Variants in EPS15 observed in about 807,000 individuals in gnomAD.
EPS15 encodes epidermal growth factor receptor pathway substrate 15.
In EPS15, 72 loss-of-function variants were observed where a neutral mutation model predicts 113.8. The observed-to-expected ratio is 0.63, with a 90% CI of 0.52 to 0.77. The LOEUF is 0.77. Ranked by LOEUF, EPS15 falls within the 30% of genes least tolerant of loss-of-function variation. The pLI is 0.00. For synonymous variants in EPS15, 344 were observed against 363.4 expected, an observed-to-expected ratio of 0.95 and a Z score of 0.61; for missense variants, 1,048 against 1,045.8, an observed-to-expected ratio of 1.00 and a Z score of -0.03.
chr1:51,424,570 A>G (rs987074242), intron 12 of EPS15, among the ~76,000 whole-genome samples: 2 of 152,170 alleles, frequency 1.3e-5, no homozygotes, highest in African/African-American at 4.8e-5. Flanking sequence ...GAGCCCACCA[A>G]TATAGGTAGA....
intron 3 of EPS15, among the ~76,000 whole-genome samples, chr1:51,472,122 C>T (rs1655284830): frequency 6.6e-6 from 1 of 152,048 alleles, no homozygotes; most frequent in African/African-American, 2.4e-5. Flanking sequence ...TTGGGCACCC[C>T]TGATTTAGTG....
intron 8 of EPS15, 124 bp from the exon 9 acceptor site, chr1:51,448,259 G>A: frequency 2.0e-6 from 1 of 501,402 alleles, no homozygotes; most frequent in Non-Finnish European, 3.5e-6. Flanking sequence ...AAATTGGGCT[G>A]GGAGGGAAAG....
intron 1 of EPS15, among the ~76,000 whole-genome samples, chr1:51,485,590 C>A (rs1644105175): frequency 6.6e-6 from 1 of 151,988 alleles, no homozygotes; most frequent in Non-Finnish European, 1.5e-5. Context: ...CAAACAAAAA[C>A]AAGTTTAATG....
chr1:51,505,780 T>C (rs1012516223), intron 1 of EPS15, among the ~76,000 whole-genome samples: 1 of 152,006 alleles, frequency 6.6e-6, no homozygotes, highest in Admixed American at 6.6e-5. Context: ...TGTTTAAATA[T>C]TTTATTTTAT....
At position 51,417,414 on chromosome 1, in the gene EPS15, C is replaced by A. The variant is rs1487332986; in HGVS notation, c.1113+4372G>T. Among the ~76,000 whole-genome samples the A allele has an allele frequency of 2.6e-5, 4 of 152,294 alleles. No homozygotes were observed. The East Asian group carries it at 7.7e-4, about 29-fold the overall frequency. ...TATACACAAAACCAAAGTTTATTCA[C>A]TTCTGCTGTGAACAGCTTCCTTAAA... On this transcript the variant is annotated intron_variant, in intron 13 of 24. Transcript: ENST00000371733.
chr1:51,519,111 C>G, intron 1 of EPS15, 88 bp downstream of exon 1: 2 of 931,598 alleles, frequency 2.1e-6, no homozygotes, highest in Non-Finnish European at 1.5e-6. Flanking sequence ...GCCTGCTTGG[C>G]CCACAAGCCA....
At position 51,421,817 on chromosome 1, in the gene EPS15, T is replaced by C. The variant is rs1317472354; in HGVS notation, c.1082A>G (p.Asp361Gly). 1.9e-6 allele frequency: 3 copies of C among 1,607,868 alleles called. No homozygotes were observed. The highest frequency in any genetic ancestry group is 2.5e-6 in the Non-Finnish European group (3 of 1,176,656). The change falls in exon 13 of 25, where the codon GAT becomes GGT. Residue 361 changes from aspartate (D) to glycine (G), a missense_variant. By Grantham distance (94) the Asp-to-Gly change is moderately conservative. Transcript: ENST00000371733. ...CTCACTTGTCCTCTGTTTAATAGTA[T>C]CTTCCTTCTCCTTAAGGTCCTGTTC... Reference protein sequence around the residue: ...NVEQDLKEKEDTIKQRTSEVQ... With the variant: ...NVEQDLKEKEGTIKQRTSEVQ...
rs572197680 is a variant in EPS15, at chr1:51,387,540, T to G, written c.2119+6841A>C. 1.3e-3 allele frequency among the ~76,000 whole-genome samples: 193 copies of G among 152,116 alleles called. 1 individual carries two copies. The highest frequency in any genetic ancestry group is 2.4e-3 in the Non-Finnish European group (164 of 68,002). ...ACAGACTGGCAAGTTGGATAAAGAG[T>G]CAAGACCCATTAGTGTGCTGTATTC... On this transcript the variant is annotated intron_variant, in intron 21 of 24. Coordinates refer to ENST00000371733, the MANE Select transcript of EPS15 (RefSeq NM_001981.3).
Position 51,405,987 on chromosome 1 carries a change from C to G in EPS15, c.1595G>C (p.Ser532Thr). 6.2e-7 allele frequency: 1 copy of G among 1,614,154 alleles called. No homozygotes were observed. The highest frequency in any genetic ancestry group is 1.1e-5 in the South Asian group (1 of 91,080). ...GATDYCSLST[S>T]SSETANLNEH... ...ATTAAGGTTGGCTGTTTCACTGCTG[C>G]TGGTGCTGAGGCTGCAATAATCTGT... The change falls in exon 16 of 25, where the codon AGC becomes ACC. Residue 532 changes from serine (S) to threonine (T), a missense_variant. Physicochemically the swap from Ser to Thr is moderately conservative, Grantham distance 58. Coordinates refer to ENST00000371733, the MANE Select transcript of EPS15 (RefSeq NM_001981.3).
rs201534515 is a variant in EPS15, at chr1:51,364,021, T to C, written c.2204A>G (p.Asn735Ser). The change falls in exon 23 of 25, where the codon AAT (asparagine) becomes AGT (serine). Residue 735 changes from asparagine to serine, a missense_variant. Asn to Ser is a conservative substitution (Grantham distance 46). Coordinates refer to ENST00000371733, the MANE Select transcript of EPS15 (RefSeq NM_001981.3). ...TGTGGCTGAACGAAAAGGATCTTCA[T>C]TGTTGACCTTTGTTTAAAAAGAAAT... ...ADFSTLSKVN[N>S]EDPFRSATSS... The C allele has an allele frequency of 6.6e-5, 106 of 1,609,158 alleles. No homozygotes were observed. The East Asian group carries it at 1.9e-3, about 29-fold the overall frequency.
chr1:51,476,474 T>C (rs1643904057), intron 2 of EPS15, among the ~76,000 whole-genome samples: 1 of 152,182 alleles, frequency 6.6e-6, no homozygotes, highest in South Asian at 2.1e-4. Context: ...GATTTTCTAG[T>C]TTATTTGCAT....
intron 21 of EPS15, among the ~76,000 whole-genome samples, chr1:51,372,000 C>G (rs1476454955): frequency 6.6e-6 from 1 of 152,192 alleles, no homozygotes; most frequent in South Asian, 2.1e-4. Flanking sequence ...AGCCTAGGAG[C>G]AATAGGCTAT....
intron 1 of EPS15, among the ~76,000 whole-genome samples, chr1:51,516,044 C>T (rs1644710582): frequency 6.6e-6 from 1 of 151,638 alleles, no homozygotes; most frequent in Non-Finnish European, 1.5e-5. Flanking sequence ...TTCTAATCTA[C>T]CAACAGAAGC....
intron 2 of EPS15, among the ~76,000 whole-genome samples, chr1:51,473,251 A>G (rs1034693624): frequency 2.6e-5 from 4 of 152,224 alleles, no homozygotes; most frequent in African/African-American, 9.6e-5. Flanking sequence ...TATCTTCTAT[A>G]GCTGTCATTT....
rs1646677732 is a variant in EPS15 at position 51,372,360 on chromosome 1, C to T, written c.2120-6331G>A. On this transcript the variant is annotated intron_variant, in intron 21 of 24. Transcript: ENST00000371733. ...CCGAATCAGCAAGGTTGGAAACCAGCAGTGCATTGTTGGTGTGCTTTTGGG... is the reference window on the plus strand; with the variant it reads ...CCGAATCAGCAAGGTTGGAAACCAGTAGTGCATTGTTGGTGTGCTTTTGGG... The T allele has an allele frequency of 5.6e-6, 3 of 535,882 alleles. No individual in the cohort carries two copies. In the Admixed American group the frequency reaches 5.8e-5, roughly 10 times the overall value. 33.2% of individuals were successfully genotyped at this position (535,882 alleles called of 1,614,324 possible). A position where few individuals can be genotyped will look rare whatever the true frequency, so the allele number is the denominator to read the frequency against.
At chr1:51,491,143 A>T (rs1164696235) in intron 1 of EPS15, among the ~76,000 whole-genome samples, 1 of 151,900 alleles carries the variant, frequency 6.6e-6, no homozygotes, top group African/African-American at 2.4e-5. Context: ...CAAATAAACC[A>T]CTCTTTTTAG....
intron 21 of EPS15, among the ~76,000 whole-genome samples, chr1:51,383,692 C>T (rs192190180): frequency 3.9e-5 from 6 of 152,258 alleles, no homozygotes; most frequent in Non-Finnish European, 4.4e-5. Context: ...GGTACTGGTC[C>T]GTGGCCCAGG....
intron 18 of EPS15, among the ~76,000 whole-genome samples, chr1:51,401,491 G>T (rs1173356096): frequency 6.6e-6 from 1 of 152,140 alleles, no homozygotes; most frequent in South Asian, 2.1e-4. Flanking sequence ...ATGGATCAAA[G>T]ATCTAACTGT....
chr1:51,357,394 ATAT>A (rs1557761311), intron 24 of EPS15, among the ~76,000 whole-genome samples: 73 of 61,718 alleles, frequency 1.2e-3, no homozygotes, highest in South Asian at 1.6e-3. Context: ...AAAAAAAAAT[ATAT>A]ATATATATAT....
Sources: gnomAD v4.1 joint callset for allele counts (sites outside exome capture counted in the v4.1 genomes callset) on GRCh38, gnomAD v4.1.1 for gene constraint, MANE v1.5 for transcripts, NCBI Gene and HGNC (gene_info 2026-07-23, HGNC 2026-07-21) for gene names.